Variants in DNTTIP1 observed in about 807,000 individuals in gnomAD.
DNTTIP1 encodes deoxynucleotidyltransferase terminal interacting protein 1.
A neutral mutation model predicts 52.9 loss-of-function variants in DNTTIP1; 22 were observed. That is an observed-to-expected ratio of 0.42 (90% CI 0.30 to 0.59). The LOEUF is 0.59. Ranked by LOEUF, DNTTIP1 falls within the 20% of genes least tolerant of loss-of-function variation. DNTTIP1 has a pLI of 0.22. For synonymous variants in DNTTIP1, 136 were observed against 155.1 expected, an observed-to-expected ratio of 0.88 and a Z score of 0.92; for missense variants, 286 against 435.5, an observed-to-expected ratio of 0.66 and a Z score of 3.06.
chr20:45,807,270 C>T (rs1981681199), intron 10 of DNTTIP1, among the ~76,000 whole-genome samples: 1 of 151,874 alleles, frequency 6.6e-6, no homozygotes, highest in African/African-American at 2.4e-5. Context: ...TACAGGTGCC[C>T]ACCACCATGC....
At chr20:45,805,436 G>A in intron 10 of DNTTIP1, 70 bp downstream of exon 10, 4 of 1,528,548 alleles carry the variant, frequency 2.6e-6, no homozygotes, top group Admixed American at 2.0e-5. Context: ...TCAGCACAGA[G>A]AAGCTTAGAA....
In DNTTIP1 at chr20:45,792,689, A is replaced by C; in HGVS notation, c.118A>C (p.Ile40Leu). The C allele has an allele frequency of 6.2e-7, 1 of 1,612,226 alleles. No individual in the cohort carries two copies. Among genetic ancestry groups the C allele is most frequent in the Non-Finnish European group, 8.5e-7 (1 of 1,179,284 alleles). The change falls in exon 2 of 13, where the codon ATA becomes CTA. Residue 40 changes from isoleucine (I) to leucine (L), a missense_variant. Transcript: ENST00000372622. ...TTGGTCCCCACAGAACCCTTGGAAC[A>C]TAATGATAAAGCACCGGCAGGTGCA... ...GQLVLTNPWN[I>L]MIKHRQVQRR... is the part of the protein sequence containing the mutation.
chr20:45,793,363 G>A lies in DNTTIP1; in HGVS notation c.177-558G>A, dbSNP rs142977566. Among the ~76,000 whole-genome samples, 362 of 151,960 alleles carry A rather than the reference G, an allele frequency of 2.4e-3. 3 individuals carry two copies. The highest frequency in any genetic ancestry group is 7.9e-3 in the African/African-American group (326 of 41,378). On this transcript the variant is annotated intron_variant, in intron 2 of 12. Transcript: ENST00000372622. ...GGATCACCTGAGGTCGGGACTTCCA[G>A]AACAGCCTGACCAACATGGAGAAAC...
chr20:45,800,119 C>CA (rs373126106), intron 4 of DNTTIP1, among the ~76,000 whole-genome samples: 6,621 of 121,814 alleles, frequency 0.054, 146 homozygotes, highest in Middle Eastern at 0.12. Flanking sequence ...GATTCCATGT[C>CA]AAAAAAAAAA....
Position 45,807,845 on chromosome 20 carries a change from G to A in DNTTIP1, c.724-1269G>A, listed in dbSNP as rs566941004. 3.9e-5 allele frequency among the ~76,000 whole-genome samples: 6 copies of A among 152,022 alleles called. No individual in the cohort carries two copies. In the South Asian group the frequency reaches 6.2e-4, roughly 16 times the overall value. On this transcript the variant is annotated intron_variant, in intron 10 of 12. Coordinates refer to ENST00000372622, the MANE Select transcript of DNTTIP1 (RefSeq NM_052951.3). ...TCCTGTAGTCCTAGCTACTCTACTC[G>A]GGAGGCTGAGGCAGGAGAATTGCCT...
chr20:45,800,381 T>G (rs1981387140), intron 4 of DNTTIP1, among the ~76,000 whole-genome samples: 1 of 151,916 alleles, frequency 6.6e-6, no homozygotes, highest in African/African-American at 2.4e-5. Context: ...TATAAATATA[T>G]ATATGTGTGT....
In DNTTIP1 at chr20:45,810,935, T is replaced by G; in HGVS notation, c.846T>G (p.Asp282Glu). ...TCCGGGACCTTGCGGCCAGTGATGA[T>G]TACAGGTAAAACCAGTGGGTCTCCT... The part of the protein sequence containing the change: ...EDIRDLAASD[D>E]YRGCLDLKLE... The change falls in exon 12 of 13, where the codon GAT (aspartate) becomes GAG (glutamate). Residue 282 changes from aspartate to glutamate, a missense_variant. Physicochemically the swap from Asp to Glu is conservative, Grantham distance 45 (BLOSUM62 2). Around this residue, in one of 2 missense-constraint regions of DNTTIP1, gnomAD observed 78 missense variants for 169.0 expected, o/e 0.46. Transcript: ENST00000372622. 6.2e-7 allele frequency: 1 copy of G among 1,614,226 alleles called. No homozygotes were observed. The highest frequency in any genetic ancestry group is 2.2e-5 in the East Asian group (1 of 44,894).
intron 2 of DNTTIP1, 78 bp from the exon 3 acceptor site, chr20:45,793,843 G>T: frequency 1.2e-6 from 1 of 842,528 alleles, no homozygotes; most frequent in Non-Finnish European, 1.8e-6. Flanking sequence ...GGAATTCTAT[G>T]TCCATAATTA....
At chr20:45,795,488 T>G in intron 4 of DNTTIP1, 45 bp downstream of exon 4, 66 of 1,220,614 alleles carry the variant, frequency 5.4e-5, no homozygotes, top group Non-Finnish European at 7.1e-5. Context: ...GGTTTAGCTC[T>G]CGAGCCTCTG....
At chr20:45,794,660 C>T (rs925811752) in intron 3 of DNTTIP1, among the ~76,000 whole-genome samples, 1 of 151,530 alleles carries the variant, frequency 6.6e-6, no homozygotes, top group African/African-American at 2.4e-5. Context: ...AATAATATAA[C>T]CATTATTGGG....
At position 45,792,262 on chromosome 20, in the gene DNTTIP1, C is replaced by T. The variant is rs189022112; in HGVS notation, c.105+153C>T. On this transcript the variant is annotated intron_variant, in intron 1 of 12. Coordinates refer to ENST00000372622, the MANE Select transcript of DNTTIP1 (RefSeq NM_052951.3). ...ACGACCTGGATTTAAATTCTGGTGC[C>T]GCCCTCCTAGCTAGGTGACGTGGGC... 3.9e-5 allele frequency among the ~76,000 whole-genome samples: 6 copies of T among 152,304 alleles called. No homozygotes were observed. In the East Asian group the frequency reaches 9.6e-4, roughly 24 times the overall value.
intron 12 of DNTTIP1, 54 bp downstream of exon 12, chr20:45,810,994 C>G (rs1601034744): frequency 1.2e-6 from 2 of 1,613,994 alleles, no homozygotes; most frequent in East Asian, 2.2e-5. Flanking sequence ...CAAATAGCCC[C>G]TAGAATGAGG....
chr20:45,792,633 A>C, intron 1 of DNTTIP1, 44 bp from the exon 2 acceptor site: 1 of 1,496,994 alleles, frequency 6.7e-7, no homozygotes, highest in Non-Finnish European at 9.0e-7. Context: ...ACCCCACCCC[A>C]GTGTCACAGG....
At chr20:45,803,474 GTGCA>G in intron 8 of DNTTIP1, 96 bp downstream of exon 8, 1 of 1,367,626 alleles carries the variant, frequency 7.3e-7, no homozygotes, top group Non-Finnish European at 1.0e-6. Flanking sequence ...GGGGCGAAGG[GTGCA>G]TGCACACCAT....
In DNTTIP1 at chr20:45,809,081, A is replaced by C; in HGVS notation, c.724-33A>C. The C allele has an allele frequency of 1.3e-6, 2 of 1,596,944 alleles. No homozygotes were observed. The highest frequency in any genetic ancestry group is 1.7e-6 in the Non-Finnish European group (2 of 1,164,470). ...CCAAATGAGAAAAGCCCCTTACCCGAGGCTAATTTTCTTACAACTTCATTC... is the reference window on the plus strand; with the variant it reads ...CCAAATGAGAAAAGCCCCTTACCCGCGGCTAATTTTCTTACAACTTCATTC... On this transcript the variant is annotated intron_variant, in intron 10 of 12. Transcript: ENST00000372622. The surrounding 1 kb of genome is among the most constrained non-coding windows in gnomAD (Gnocchi z 4.2).
At chr20:45,804,893 G>A (rs1981583452) in intron 8 of DNTTIP1, among the ~76,000 whole-genome samples, 1 of 152,144 alleles carries the variant, frequency 6.6e-6, no homozygotes, top group South Asian at 2.1e-4. Context: ...TTGCCTCATC[G>A]CACAATGGTG....
chr20:45,805,948 G>A (rs1344384381), intron 10 of DNTTIP1, among the ~76,000 whole-genome samples: 2 of 150,652 alleles, frequency 1.3e-5, no homozygotes, highest in African/African-American at 4.9e-5. Context: ...CTGGCATGGT[G>A]GCTCATGCCT....
chr20:45,808,932 A>G (rs1397772208), intron 10 of DNTTIP1, among the ~76,000 whole-genome samples, 182 bp from the exon 11 acceptor site: 1 of 152,182 alleles, frequency 6.6e-6, no homozygotes, highest in East Asian at 1.9e-4. Context: ...ATTGGGTCCC[A>G]TGGTCTGCCC....
chr20:45,793,809 A>G (rs949181633), intron 2 of DNTTIP1, 112 bp from the exon 3 acceptor site: 3 of 550,394 alleles, frequency 5.5e-6, no homozygotes, highest in African/African-American at 3.8e-5. Context: ...CTAGTTTTCA[A>G]TAAAAGCTGT....
Sources: gnomAD v4.1 joint callset for allele counts (sites outside exome capture counted in the v4.1 genomes callset) on GRCh38, gnomAD v4.1.1 for gene constraint, gnomAD v4.1.1 regional missense constraint, Gnocchi (gnomAD v3.1) non-coding constraint, MANE v1.5 for transcripts, NCBI Gene and HGNC (gene_info 2026-07-23, HGNC 2026-07-21) for gene names.